MAGI2: variants seen among roughly 807,000 people sequenced by gnomAD.
The protein encoded by MAGI2 is membrane associated guanylate kinase, WW and PDZ domain containing 2, also known as membrane-associated guanylate kinase, WW and PDZ domain-containing protein 2.
A neutral mutation model predicts 133.3 loss-of-function variants in MAGI2; 35 were observed. That is an observed-to-expected ratio of 0.26 (90% CI 0.20 to 0.35). The LOEUF (loss-of-function observed/expected upper bound fraction) is 0.35. Ranked by LOEUF, MAGI2 falls within the 10% of genes least tolerant of loss-of-function variation. The pLI is 1.00. For synonymous variants in MAGI2, 729 were observed against 710.6 expected (o/e 1.03, Z -0.41); for missense variants, 1,636 against 1,863.4 (o/e 0.88, Z 2.25).
chr7:78,271,733 T>G (rs1794600285), intron 9 of MAGI2, among the ~76,000 whole-genome samples: 1 of 152,238 alleles, frequency 6.6e-6, no homozygotes, highest in Non-Finnish European at 1.5e-5. Flanking sequence ...TTTTCTAGTT[T>G]ATTTGTGTAG....
intron 6 of MAGI2, among the ~76,000 whole-genome samples, chr7:78,461,916 C>CAAAAAATAAAAAAAAAAAAAAA (rs1790072550): frequency 3.3e-5 from 1 of 30,538 alleles, no homozygotes. Context: ...AATTCCGTCT[C>CAAAAAATAAAAAAAAAAAAAAA]AAAAAAAAAA....
At chr7:79,079,545 T>G (rs567695336) in intron 1 of MAGI2, among the ~76,000 whole-genome samples, 2 of 152,304 alleles carry the variant, frequency 1.3e-5, no homozygotes, top group South Asian at 4.1e-4. Flanking sequence ...GCTTTCAGGC[T>G]CTAATAGATT....
Position 79,300,057 on chromosome 7 carries a change from C to G in MAGI2, c.301+152963G>C, listed in dbSNP as rs77538797. Among the ~76,000 whole-genome samples the G allele has an allele frequency of 3.3e-3, 498 of 152,156 alleles. 2 individuals are homozygous for G. The highest frequency in any genetic ancestry group is 0.012 in the African/African-American group (480 of 41,500). ...TTAAGCCTCTTTTTAAATAAATTAC[C>G]CAGTGTCAGGTATTTTTTTTAGAGC... On this transcript the variant is annotated intron_variant, in intron 1 of 21. Transcript: ENST00000354212.
At chr7:79,224,404 G>A (rs1315244917) in intron 1 of MAGI2, among the ~76,000 whole-genome samples, 2 of 151,910 alleles carry the variant, frequency 1.3e-5, no homozygotes, top group Non-Finnish European at 2.9e-5. Flanking sequence ...TAAACAGTGA[G>A]TACTTTATGC....
At chr7:79,122,906 G>A (rs974459152) in intron 1 of MAGI2, among the ~76,000 whole-genome samples, 2 of 152,038 alleles carry the variant, frequency 1.3e-5, no homozygotes, top group African/African-American at 4.8e-5. Flanking sequence ...TGGCCAGGCT[G>A]GTTTTGAACT....
At chr7:78,556,727 A>C (rs1354997064) in intron 3 of MAGI2, among the ~76,000 whole-genome samples, 1 of 152,164 alleles carries the variant, frequency 6.6e-6, no homozygotes, top group African/African-American at 2.4e-5. Context: ...CCCCTTACAG[A>C]AACACACTCC....
intron 3 of MAGI2, among the ~76,000 whole-genome samples, chr7:78,558,393 T>A (rs1287255340): frequency 4.6e-5 from 7 of 152,198 alleles, no homozygotes. Context: ...TAAGTATTCC[T>A]TTAGTATTAT....
chr7:78,552,430 G>C (rs1167065995), intron 3 of MAGI2, among the ~76,000 whole-genome samples: 1 of 151,986 alleles, frequency 6.6e-6, no homozygotes, highest in Non-Finnish European at 1.5e-5. Context: ...TGATCTGCCC[G>C]CCTCGGCCTC....
chr7:78,938,314 A>G (rs1800682307), intron 2 of MAGI2, among the ~76,000 whole-genome samples: 1 of 152,144 alleles, frequency 6.6e-6, no homozygotes. Flanking sequence ...ATGGGAAAAG[A>G]TATTATATAA....
chr7:78,375,535 A>G (rs1257282461), intron 6 of MAGI2, among the ~76,000 whole-genome samples: 1 of 152,012 alleles, frequency 6.6e-6, no homozygotes, highest in Non-Finnish European at 1.5e-5. Flanking sequence ...AAAACCAGAA[A>G]CCATATCCTT....
intron 16 of MAGI2, among the ~76,000 whole-genome samples, chr7:78,152,303 A>G (rs921799644): frequency 1.3e-5 from 2 of 152,184 alleles, no homozygotes; most frequent in South Asian, 2.1e-4. Context: ...GGACAGGGTA[A>G]ATAACTGAAC....
intron 6 of MAGI2, among the ~76,000 whole-genome samples, chr7:78,378,080 T>C (rs1446987747): frequency 1.3e-5 from 2 of 151,930 alleles, no homozygotes; most frequent in African/African-American, 4.8e-5. Flanking sequence ...TAAAAGATAG[T>C]TGACAAAAAT....
intron 1 of MAGI2, among the ~76,000 whole-genome samples, chr7:79,160,105 A>T (rs1208720269): frequency 3.3e-5 from 5 of 152,112 alleles, no homozygotes; most frequent in Non-Finnish European, 7.4e-5. Flanking sequence ...AAAATCTTAT[A>T]GTCATGTTAA....
chr7:78,669,175 A>C (rs920817803), intron 2 of MAGI2, among the ~76,000 whole-genome samples: 19 of 152,288 alleles, frequency 1.2e-4, no homozygotes, highest in Admixed American at 5.9e-4. Flanking sequence ...GACCGATAGC[A>C]AGACTAATAA....
At chr7:79,084,147 T>C (rs1183849630) in intron 1 of MAGI2, among the ~76,000 whole-genome samples, 1 of 151,706 alleles carries the variant, frequency 6.6e-6, no homozygotes, top group Non-Finnish European at 1.5e-5. Context: ...ATTATCCATT[T>C]TACTTATTTG....
At chr7:78,275,431 A>G (rs1459635849) in intron 9 of MAGI2, among the ~76,000 whole-genome samples, 1 of 152,172 alleles carries the variant, frequency 6.6e-6, no homozygotes, top group Non-Finnish European at 1.5e-5. Flanking sequence ...TTGACATAAC[A>G]GTCTTGTTTT....
intron 1 of MAGI2, among the ~76,000 whole-genome samples, chr7:79,196,297 C>A (rs1167298956): frequency 6.6e-6 from 1 of 151,676 alleles, no homozygotes; most frequent in Non-Finnish European, 1.5e-5. Flanking sequence ...TACAAATATT[C>A]TTTTTTTTAC....
intron 3 of MAGI2, among the ~76,000 whole-genome samples, chr7:78,523,914 C>T (rs192842791): frequency 5.8e-4 from 88 of 152,264 alleles, no homozygotes; most frequent in Middle Eastern, 3.4e-3. Flanking sequence ...GAGCCCACTC[C>T]AGACACTTAT....
chr7:78,993,164 T>A (rs1424965979), intron 2 of MAGI2, among the ~76,000 whole-genome samples: 3 of 152,058 alleles, frequency 2.0e-5, no homozygotes, highest in Non-Finnish European at 4.4e-5. Context: ...CCTAGTTTTC[T>A]AAAGAAAAAA....
Sources: gnomAD v4.1 joint callset for allele counts (sites outside exome capture counted in the v4.1 genomes callset) on GRCh38, gnomAD v4.1.1 for gene constraint, MANE v1.5 for transcripts, NCBI Gene and HGNC (gene_info 2026-07-23, HGNC 2026-07-21) for gene names.